KCNT1: variants seen among roughly 807,000 people sequenced by gnomAD.
KCNT1 encodes potassium sodium-activated channel subfamily T member 1.
A neutral mutation model predicts 147.8 loss-of-function variants in KCNT1; 78 were observed. The observed-to-expected ratio is 0.53, with a 90% CI of 0.44 to 0.64. KCNT1 has a LOEUF of 0.64. KCNT1 is among the 30% of genes least tolerant of loss of function. The pLI, the probability that KCNT1 is intolerant of heterozygous loss-of-function variation, is 0.00. For missense variants in KCNT1, 1,419 were observed against 1,750.3 expected, an observed-to-expected ratio of 0.81 and a Z score of 3.38; for synonymous variants, 867 against 748.8, an observed-to-expected ratio of 1.16 and a Z score of -2.58.
intron 2 of KCNT1, among the ~76,000 whole-genome samples, chr9:135,739,691 G>A (rs368051976): frequency 1.4e-3 from 211 of 152,190 alleles, no homozygotes; most frequent in African/African-American, 4.6e-3. Flanking sequence ...GTATGGTCCC[G>A]TCACCCCTGA....
intron 2 of KCNT1, among the ~76,000 whole-genome samples, chr9:135,738,576 C>G (rs1354631977): frequency 2.0e-5 from 3 of 152,178 alleles, no homozygotes; most frequent in Non-Finnish European, 4.4e-5. Flanking sequence ...GCCAGGGTCC[C>G]GGCTCCCTCA....
chr9:135,748,088 C>T (rs1415755156), intron 2 of KCNT1, among the ~76,000 whole-genome samples: 1 of 152,202 alleles, frequency 6.6e-6, no homozygotes, highest in Non-Finnish European at 1.5e-5. Flanking sequence ...ACTACAGGCA[C>T]GTGCCGCCAT....
chr9:135,750,061 T>G, intron 2 of KCNT1, 37 bp from the exon 3 acceptor site: 1 of 1,562,288 alleles, frequency 6.4e-7, no homozygotes, highest in Admixed American at 1.7e-5. Context: ...GAGTCCCCAC[T>G]GGCCCTGAGC....
At position 135,784,904 on chromosome 9, in the gene KCNT1, TG is replaced by T; in HGVS notation, c.3156+20del. 1 of 1,610,524 alleles carries T rather than the reference TG, an allele frequency of 6.2e-7. No individual in the cohort carries two copies. The stretch of plus-strand genomic sequence containing the variant: ...CCACCTCGGAGGTTCTGGGGCAGCC[TG>T]GGGGCTGGGACTGTGGCAGCCCCTG... On this transcript the variant is annotated intron_variant, in intron 27 of 30. Transcript: ENST00000371757.
At chr9:135,784,482 G>GCCCCCC in intron 25 of KCNT1, 53 bp from the exon 26 acceptor site, 1 of 459,546 alleles carries the variant, frequency 2.2e-6, no homozygotes, top group South Asian at 2.1e-5. Flanking sequence ...CCTCACTGTG[G>GCCCCCC]CTCCCTCCCT....
At chr9:135,753,846 T>C in intron 4 of KCNT1, 91 bp from the exon 5 acceptor site, 1 of 1,401,768 alleles carries the variant, frequency 7.1e-7, no homozygotes, top group Non-Finnish European at 1.0e-6. Context: ...GAGGCCCCCA[T>C]GAACCCGAGC....
chr9:135,757,064 G>A (rs1021177514), intron 7 of KCNT1, 92 bp from the exon 8 acceptor site: 29 of 1,116,682 alleles, frequency 2.6e-5, no homozygotes, highest in Middle Eastern at 2.9e-4. Flanking sequence ...TCCAGGGTGG[G>A]CTCCTCGCCC....
chr9:135,758,572 C>A, intron 10 of KCNT1, 64 bp downstream of exon 10: 2 of 1,320,806 alleles, frequency 1.5e-6, no homozygotes, highest in Non-Finnish European at 2.2e-6. Flanking sequence ...GCAAGCAGGG[C>A]CGGGCGAGGG....
At chr9:135,769,844 C>A in intron 15 of KCNT1, 103 bp from the exon 16 acceptor site, 2 of 788,882 alleles carry the variant, frequency 2.5e-6, no homozygotes, top group Non-Finnish European at 4.2e-6. Flanking sequence ...GGGTGCCAGG[C>A]AAGGGTGCAT....
chr9:135,751,645 G>C (rs781378427), intron 4 of KCNT1, among the ~76,000 whole-genome samples: 2 of 152,204 alleles, frequency 1.3e-5, no homozygotes, highest in Non-Finnish European at 2.9e-5. Context: ...TTGCTGCTTC[G>C]AGAAGTGGCG....
chr9:135,769,476 G>A (rs1280577332), intron 15 of KCNT1, among the ~76,000 whole-genome samples: 1 of 152,200 alleles, frequency 6.6e-6, no homozygotes, highest in Non-Finnish European at 1.5e-5. Flanking sequence ...AGGGACCTAG[G>A]GGGTCCAAAC....
rs537337245 is a variant in KCNT1, at chr9:135,741,553, G to A, written c.255-8545G>A. On this transcript the variant is annotated intron_variant, in intron 2 of 30. Coordinates refer to ENST00000371757, the MANE Select transcript of KCNT1 (RefSeq NM_020822.3). The stretch of plus-strand genomic sequence containing the variant: ...TCAGCCCCATTAAGCCTGGGGTTCT[G>A]CCTGCTCCGTGTGGAGCTGCTGGCC... Among the ~76,000 whole-genome samples the A allele has an allele frequency of 1.3e-3, 202 of 152,320 alleles. 1 individual carries two copies. The highest frequency in any genetic ancestry group is 4.7e-3 in the African/African-American group (197 of 41,580).
intron 29 of KCNT1, chr9:135,791,441 C>T (rs1246199374): frequency 1.7e-5 from 5 of 288,716 alleles, no homozygotes; most frequent in Non-Finnish European, 3.3e-5. Context: ...CAGACACGTC[C>T]CGGTGTCTGC....
intron 20 of KCNT1, 88 bp from the exon 21 acceptor site, chr9:135,777,250 G>A: frequency 1.4e-6 from 2 of 1,386,468 alleles, no homozygotes; most frequent in Non-Finnish European, 2.0e-6. Context: ...GTTCACGGGG[G>A]ATGTTTGGTG....
At chr9:135,778,521 TG>T (rs1380940127) in intron 22 of KCNT1, 26 bp downstream of exon 22, 1 of 1,598,670 alleles carries the variant, frequency 6.3e-7, no homozygotes, top group Non-Finnish European at 8.5e-7. Flanking sequence ...CCGAGGCTCG[TG>T]GGGGCTCCAC....
chr9:135,713,879 G>A (rs553687191), intron 1 of KCNT1, among the ~76,000 whole-genome samples: 5 of 152,290 alleles, frequency 3.3e-5, no homozygotes, highest in African/African-American at 4.8e-5. Flanking sequence ...GGTGTGCCAC[G>A]ATGCCCCTAA....
Position 135,788,073 on chromosome 9 carries a change from C to T in KCNT1, c.3502+1552C>T, listed in dbSNP as rs372834084. On this transcript the variant is annotated intron_variant, in intron 29 of 30. Coordinates refer to ENST00000371757, the MANE Select transcript of KCNT1 (RefSeq NM_020822.3). ...ATATTCTCTCTCTCTCTCTTTCTGT[C>T]TGTGCCTCTTTCTGTGTGTTCTGTA... 5 of 1,549,586 alleles carry T rather than the reference C, an allele frequency of 3.2e-6. No individual in the cohort carries two copies. In the African/African-American group the frequency reaches 5.4e-5, roughly 17 times the overall value.
chr9:135,711,037 C>A (rs1835463820), intron 1 of KCNT1, among the ~76,000 whole-genome samples: 1 of 152,202 alleles, frequency 6.6e-6, no homozygotes, highest in African/African-American at 2.4e-5. Context: ...ATACTAGGTT[C>A]CGTATTTGCT....
In KCNT1 at chr9:135,714,066, C is replaced by A. The variant is rs1372395603; in HGVS notation, c.111-511C>A. 6.6e-6 allele frequency among the ~76,000 whole-genome samples: 1 copy of A among 152,142 alleles called. No homozygotes were observed. The highest frequency in any genetic ancestry group is 6.5e-5 in the Admixed American group (1 of 15,288). ...AGGCCTCCTGGTCACTCCACCCTCA[C>A]CCCTCAACAGCCTGAGGGTCTGAGA... On this transcript the variant is annotated intron_variant, in intron 1 of 30. Coordinates refer to ENST00000371757, the MANE Select transcript of KCNT1 (RefSeq NM_020822.3). This position sits in a 1 kb window ranked among gnomAD's most constrained non-coding sequence, Gnocchi z 6.2.
Sources: gnomAD v4.1 joint callset for allele counts (sites outside exome capture counted in the v4.1 genomes callset) on GRCh38, gnomAD v4.1.1 for gene constraint, Gnocchi (gnomAD v3.1) non-coding constraint, MANE v1.5 for transcripts, NCBI Gene and HGNC (gene_info 2026-07-23, HGNC 2026-07-21) for gene names.